Variants in SPTLC3 observed in about 807,000 individuals in gnomAD.
SPTLC3 encodes serine palmitoyltransferase 3.
A neutral mutation model predicts 59.3 loss-of-function variants in SPTLC3; 36 were observed. That is an observed-to-expected ratio of 0.61 (90% CI 0.47 to 0.80). The LOEUF is 0.80. SPTLC3 is among the 30% of genes least tolerant of loss of function. The pLI is 0.00. For synonymous variants in SPTLC3, 257 were observed against 240.8 expected, an observed-to-expected ratio of 1.07 and a Z score of -0.62; for missense variants, 625 against 685.1, an observed-to-expected ratio of 0.91 and a Z score of 0.98.
intron 9 of SPTLC3, among the ~76,000 whole-genome samples, chr20:13,127,751 CT>C (rs1467320241): frequency 6.6e-6 from 1 of 152,154 alleles, no homozygotes; most frequent in Non-Finnish European, 1.5e-5. Context: ...TTCTTTTTCA[CT>C]AAAGCAGGGT....
At chr20:13,160,622 C>T (rs2038876871) in intron 11 of SPTLC3, among the ~76,000 whole-genome samples, 1 of 152,196 alleles carries the variant, frequency 6.6e-6, no homozygotes, top group Non-Finnish European at 1.5e-5. Flanking sequence ...CCTCGATTTC[C>T]ATTGTTATGT....
At chr20:13,071,008 C>T (rs1325660867) in intron 2 of SPTLC3, among the ~76,000 whole-genome samples, 3 of 152,112 alleles carry the variant, frequency 2.0e-5, no homozygotes, top group Non-Finnish European at 4.4e-5. Flanking sequence ...TCCTTGATTC[C>T]TCCAACAAGG....
intron 9 of SPTLC3, among the ~76,000 whole-genome samples, chr20:13,127,405 AT>A (rs1460991434): frequency 6.6e-6 from 1 of 152,204 alleles, no homozygotes; most frequent in African/African-American, 2.4e-5. Context: ...TGGTGAGCAC[AT>A]TTATGGAAGT....
intron 1 of SPTLC3, among the ~76,000 whole-genome samples, chr20:13,048,207 A>G (rs1055438883): frequency 6.8e-6 from 1 of 148,076 alleles, no homozygotes; most frequent in African/African-American, 2.5e-5. Context: ...ACCTACAAAT[A>G]CATATGGTCC....
At chr20:13,064,750 G>A (rs1988127464) in intron 2 of SPTLC3, among the ~76,000 whole-genome samples, 1 of 152,128 alleles carries the variant, frequency 6.6e-6, no homozygotes, top group South Asian at 2.1e-4. Context: ...GGAAAAAACT[G>A]GCCATTTTCA....
At position 13,059,512 on chromosome 20, in the gene SPTLC3, T is replaced by C. The variant is rs1237669214; in HGVS notation, c.303+10382T>C. On this transcript the variant is annotated intron_variant, in intron 2 of 11. Transcript: ENST00000399002. ...ATCCCTTGAAACCTCCAGGTGTCTA[T>C]CCCCTTTCACATGCACAGCTATCCT... Among the ~76,000 whole-genome samples, 3 of 152,202 alleles carry C rather than the reference T, an allele frequency of 2.0e-5. No individual in the cohort carries two copies. In the East Asian group the frequency reaches 5.8e-4, roughly 29 times the overall value.
At chr20:13,088,612 C>A (rs1989087468) in intron 4 of SPTLC3, among the ~76,000 whole-genome samples, 1 of 150,896 alleles carries the variant, frequency 6.6e-6, no homozygotes, top group Non-Finnish European at 1.5e-5. Context: ...CTTGAGCCAT[C>A]GTGCCTGGCC....
intron 1 of SPTLC3, among the ~76,000 whole-genome samples, chr20:13,027,532 C>T (rs575672639): frequency 1.3e-5 from 2 of 152,174 alleles, no homozygotes; most frequent in Non-Finnish European, 1.5e-5. Context: ...GCAGCAGACA[C>T]CTGTCAGGCC....
chr20:13,138,199 C>T (rs1006546392), intron 9 of SPTLC3, among the ~76,000 whole-genome samples: 1 of 152,194 alleles, frequency 6.6e-6, no homozygotes, highest in African/African-American at 2.4e-5. Context: ...AATACAAGTG[C>T]CATGAGGGCA....
At chr20:13,081,801 C>G (rs1445941323) in intron 4 of SPTLC3, among the ~76,000 whole-genome samples, 1 of 152,054 alleles carries the variant, frequency 6.6e-6, no homozygotes, top group Non-Finnish European at 1.5e-5. Flanking sequence ...TTATAGATTC[C>G]AATTAATGAG....
chr20:13,011,673 C>G (rs1479032894), intron 1 of SPTLC3, among the ~76,000 whole-genome samples: 1 of 152,070 alleles, frequency 6.6e-6, no homozygotes, highest in Non-Finnish European at 1.5e-5. Context: ...AGAGCCTTTC[C>G]ATTCTTAGAA....
intron 1 of SPTLC3, among the ~76,000 whole-genome samples, chr20:13,033,120 C>T (rs984209960): frequency 1.3e-5 from 2 of 152,124 alleles, no homozygotes; most frequent in Non-Finnish European, 2.9e-5. Context: ...CCAGGTGTTT[C>T]CTAATACAGA....
chr20:13,139,141 T>C (rs2038320943), intron 9 of SPTLC3, among the ~76,000 whole-genome samples: 1 of 152,232 alleles, frequency 6.6e-6, no homozygotes, highest in African/African-American at 2.4e-5. Context: ...GCACTTAGGA[T>C]GTTTTTCAAT....
intron 1 of SPTLC3, among the ~76,000 whole-genome samples, chr20:13,042,703 C>T (rs964518081): frequency 3.2e-4 from 49 of 152,282 alleles, no homozygotes; most frequent in Admixed American, 3.1e-3. Flanking sequence ...TGGCCACCTG[C>T]TCAAAGTAGA....
chr20:13,120,410 G>C (rs1224093479), intron 8 of SPTLC3, among the ~76,000 whole-genome samples: 3 of 152,184 alleles, frequency 2.0e-5, no homozygotes, highest in Non-Finnish European at 4.4e-5. Flanking sequence ...CTGAAACTGT[G>C]TATAATTTCA....
At chr20:13,053,524 TG>T (rs1230709976) in intron 2 of SPTLC3, among the ~76,000 whole-genome samples, 1 of 152,002 alleles carries the variant, frequency 6.6e-6, no homozygotes, top group African/African-American at 2.4e-5. Flanking sequence ...GGAACAAAAC[TG>T]GACGGAGAAT....
At chr20:13,099,958 G>T (rs991790688) in intron 6 of SPTLC3, among the ~76,000 whole-genome samples, 11 of 152,200 alleles carry the variant, frequency 7.2e-5, no homozygotes, top group Admixed American at 1.3e-4. Context: ...TAAACAATGG[G>T]ATTGTGGAAT....
intron 7 of SPTLC3, among the ~76,000 whole-genome samples, chr20:13,112,893 T>A (rs1046225427): frequency 6.6e-6 from 1 of 152,166 alleles, no homozygotes; most frequent in African/African-American, 2.4e-5. Flanking sequence ...ACCAGATATT[T>A]CCCATAAGGC....
intron 4 of SPTLC3, among the ~76,000 whole-genome samples, chr20:13,085,205 T>C (rs1412756959): frequency 2.6e-5 from 4 of 152,128 alleles, no homozygotes. Context: ...TTTCAGATAC[T>C]ACATCTGGCT....
Sources: allele counts gnomAD v4.1 joint callset (sites outside exome capture counted in the v4.1 genomes callset), GRCh38; gene constraint gnomAD v4.1.1; transcripts MANE v1.5; gene names NCBI Gene and HGNC (gene_info 2026-07-23, HGNC 2026-07-21).